The following CACNA2D2 variants were observed in gnomAD, a reference collection of about 807,000 sequenced individuals.
CACNA2D2 encodes the protein voltage-dependent calcium channel subunit alpha-2/delta-2.
Under a neutral mutation model 166.4 loss-of-function variants are expected in CACNA2D2, and 48 were observed. The ratio of observed to expected loss-of-function variants is 0.29; its 90% CI spans 0.23 to 0.37. CACNA2D2 has a LOEUF of 0.37. CACNA2D2 is among the 10% of genes least tolerant of loss of function. The probability of loss-of-function intolerance (pLI) is 1.00; values close to 1 mark genes in which losing one functional copy is unlikely to be tolerated. For missense variants in CACNA2D2, 1,122 were observed against 1,433.0 expected (o/e 0.78, Z 3.50); for synonymous variants, 561 against 573.7 (o/e 0.98, Z 0.32).
At chr3:50,435,262 G>A (rs750270685) in intron 2 of CACNA2D2, among the ~76,000 whole-genome samples, 1 of 151,956 alleles carries the variant, frequency 6.6e-6, no homozygotes, top group African/African-American at 2.4e-5. Flanking sequence ...GCAGATTTCT[G>A]CAAGTGTCTT....
intron 3 of CACNA2D2, among the ~76,000 whole-genome samples, chr3:50,405,597 G>C (rs1165216058): frequency 1.3e-5 from 2 of 152,186 alleles, no homozygotes; most frequent in African/African-American, 4.8e-5. Flanking sequence ...CGGTAGGTCT[G>C]CTCAGTGGGC....
intron 3 of CACNA2D2, among the ~76,000 whole-genome samples, chr3:50,410,490 G>T (rs988719379): frequency 6.6e-6 from 1 of 151,712 alleles, no homozygotes; most frequent in African/African-American, 2.4e-5. Flanking sequence ...TGGGGGGGGG[G>T]GTGTTGTCTT....
At position 50,476,211 on chromosome 3, in the gene CACNA2D2, G is replaced by T; in HGVS notation, c.207-12C>A. On this transcript the variant is annotated splice_polypyrimidine_tract_variant and intron_variant, in intron 1 of 37. Transcript: ENST00000424201. ...CCCAGTGCTGCATCCTGTATGCAGA[G>T]AGAGGAGAGAGGTGTCAGGAGGGCC... 1 of 1,573,532 alleles carries T rather than the reference G, an allele frequency of 6.4e-7. No individual in the cohort carries two copies. The highest frequency in any genetic ancestry group is 8.6e-7 in the Non-Finnish European group (1 of 1,160,502).
At chr3:50,401,247 T>C (rs544616396) in intron 3 of CACNA2D2, among the ~76,000 whole-genome samples, 14 of 152,270 alleles carry the variant, frequency 9.2e-5, no homozygotes, top group African/African-American at 1.7e-4. Context: ...ATAAAAAAAA[T>C]TAGTAAAATG....
chr3:50,491,575 A>G (rs1698523567), intron 1 of CACNA2D2, among the ~76,000 whole-genome samples: 1 of 152,188 alleles, frequency 6.6e-6, no homozygotes, highest in Non-Finnish European at 1.5e-5. Context: ...AGGAGAGTGA[A>G]GGATGGAGAG....
At position 50,375,830 on chromosome 3, in the gene CACNA2D2, C is replaced by T. The variant is rs774217388; in HGVS notation, c.1824G>A (p.Thr608=). The T allele has an allele frequency of 5.6e-6, 9 of 1,612,948 alleles. No individual in the cohort carries two copies. The highest frequency in any genetic ancestry group is 2.2e-5 in the East Asian group (1 of 44,886). Residue 608 remains threonine (T), a synonymous_variant, in exon 20 of 38, where the codon ACG becomes ACA. Transcript: ENST00000424201. This position sits in a 1 kb window ranked among gnomAD's most constrained non-coding sequence, Gnocchi z 4.0. ...DGNKGHKQIR[T]LVKSLDERYI... is the part of the protein sequence containing the mutation. ...TTACCTCATCCAGGGACTTGACCAACGTTCTGATCTGCTTGTGGCCCTTGT... is the reference window on the plus strand; with the variant it reads ...TTACCTCATCCAGGGACTTGACCAATGTTCTGATCTGCTTGTGGCCCTTGT...
At chr3:50,465,236 A>AT (rs1399885944) in intron 2 of CACNA2D2, among the ~76,000 whole-genome samples, 9 of 152,376 alleles carry the variant, frequency 5.9e-5, no homozygotes, top group Non-Finnish European at 1.0e-4. Context: ...AATTACTGGC[A>AT]TAGTAATTGC....
intron 1 of CACNA2D2, among the ~76,000 whole-genome samples, chr3:50,490,498 C>T (rs1201851035): frequency 2.0e-5 from 3 of 152,104 alleles, no homozygotes; most frequent in Non-Finnish European, 4.4e-5. Flanking sequence ...CCTTTACTTC[C>T]CTCCCCAGAG....
At position 50,451,250 on chromosome 3, in the gene CACNA2D2, C is replaced by T. The variant is rs188547821; in HGVS notation, c.289-16821G>A. ...AAGCGATTCCCCTGCCTCAGCCTCC[C>T]GAGTACCTGGGATTACAGGTGTGCG... On this transcript the variant is annotated intron_variant, in intron 2 of 37. Coordinates refer to ENST00000424201, the MANE Select transcript of CACNA2D2 (RefSeq NM_006030.4). Among the ~76,000 whole-genome samples, 296 of 152,276 alleles carry T rather than the reference C, an allele frequency of 1.9e-3. 3 individuals are homozygous for T. Among genetic ancestry groups the T allele is most frequent in the African/African-American group, 6.5e-3 (268 of 41,542 alleles).
At chr3:50,387,903 AG>A (rs1311224818) in intron 4 of CACNA2D2, among the ~76,000 whole-genome samples, 1 of 152,184 alleles carries the variant, frequency 6.6e-6, no homozygotes, top group Non-Finnish European at 1.5e-5. Context: ...GCAGCCTTCT[AG>A]GTTCTGTCTG....
At chr3:50,492,721 T>G (rs192703718) in intron 1 of CACNA2D2, among the ~76,000 whole-genome samples, 46 of 152,096 alleles carry the variant, frequency 3.0e-4, no homozygotes, top group Admixed American at 9.2e-4. Context: ...AAATAAACCC[T>G]CCAAGGACGT....
intron 22 of CACNA2D2, chr3:50,373,010 C>T (rs1342983265): frequency 1.7e-5 from 20 of 1,158,272 alleles, no homozygotes; most frequent in East Asian, 5.0e-5. Context: ...CAAGCAGGGG[C>T]GTGAGGATGG....
chr3:50,499,143 T>C (rs1698850872), intron 1 of CACNA2D2, among the ~76,000 whole-genome samples: 1 of 152,026 alleles, frequency 6.6e-6, no homozygotes, highest in African/African-American at 2.4e-5. Context: ...GAATCTGATG[T>C]GGGTGGGCAC....
At chr3:50,371,753 G>A (rs926520682) in intron 22 of CACNA2D2, among the ~76,000 whole-genome samples, 4 of 152,170 alleles carry the variant, frequency 2.6e-5, no homozygotes, top group Non-Finnish European at 4.4e-5. Flanking sequence ...GATGGGGAAG[G>A]GGTTGGGGGG....
chr3:50,394,695 GTTC>G (rs1706059846), intron 3 of CACNA2D2, among the ~76,000 whole-genome samples: 1 of 152,236 alleles, frequency 6.6e-6, no homozygotes, highest in South Asian at 2.1e-4. Flanking sequence ...AGCCTGTCCT[GTTC>G]TTTGGGGCTG....
In CACNA2D2 at chr3:50,367,918, AGGGGT is replaced by A; in HGVS notation, c.2144-21_2144-17del. On this transcript the variant is annotated splice_polypyrimidine_tract_variant and intron_variant, in intron 24 of 37. Coordinates refer to ENST00000424201, the MANE Select transcript of CACNA2D2 (RefSeq NM_006030.4). The surrounding 1 kb of genome is among the most constrained non-coding windows in gnomAD (Gnocchi z 6.5). ...AAGTTGTTGCCTGGAACAGGAGGGG[AGGGGT>A]GGGGGTGGGGGCATCTTCTTGCAGC... 2 of 143,998 alleles carry A rather than the reference AGGGGT, an allele frequency of 1.4e-5. No homozygotes were observed. The highest frequency in any genetic ancestry group is 2.9e-5 in the Non-Finnish European group (2 of 68,090). The allele number at this position is 143,998 out of a possible 1,614,324, so 8.9% of individuals were successfully genotyped here.
rs192455066 is a variant in CACNA2D2 at position 50,460,573 on chromosome 3, G to A, written c.288+15545C>T. ...CAAGATATTATTCTTAAAAAGGTCCGGCTGGGCGTGGTGGCTCACGCCTCT... is the reference window on the plus strand; with the variant it reads ...CAAGATATTATTCTTAAAAAGGTCCAGCTGGGCGTGGTGGCTCACGCCTCT... On this transcript the variant is annotated intron_variant, in intron 2 of 37. Transcript: ENST00000424201. Among the ~76,000 whole-genome samples the A allele has an allele frequency of 1.7e-3, 260 of 152,210 alleles. 1 individual carries two copies. Among genetic ancestry groups the A allele is most frequent in the Admixed American group, 7.5e-3 (115 of 15,298 alleles).
Position 50,362,893 on chromosome 3 carries a change from CAA to C in CACNA2D2, c.*1771_*1772del, listed in dbSNP as rs1477813641. On this transcript the variant is annotated 3_prime_UTR_variant, in exon 38 of 38. Coordinates refer to ENST00000424201, the MANE Select transcript of CACNA2D2 (RefSeq NM_006030.4). ...AAGGAATCACACACACGATATTTTA[CAA>C]AGTTTCTTGACTTTTTTGTCGCTGT... The C allele has an allele frequency of 2.1e-5, 8 of 387,156 alleles. No homozygotes were observed. Among genetic ancestry groups the C allele is most frequent in the East Asian group, 1.5e-4 (4 of 27,206 alleles). The allele number at this position is 387,156 out of a possible 1,614,324, so 24.0% of individuals were successfully genotyped here. A position where few individuals can be genotyped will look rare whatever the true frequency, so the allele number is the denominator to read the frequency against.
chr3:50,398,165 T>C (rs1422575785), intron 3 of CACNA2D2, among the ~76,000 whole-genome samples: 1 of 152,016 alleles, frequency 6.6e-6, no homozygotes, highest in Non-Finnish European at 1.5e-5. Context: ...GTCTCTGGAG[T>C]GCCTGCCTGT....
Sources: allele counts gnomAD v4.1 joint callset (sites outside exome capture counted in the v4.1 genomes callset), GRCh38; gene constraint gnomAD v4.1.1; non-coding constraint Gnocchi (gnomAD v3.1); transcripts MANE v1.5; gene names NCBI Gene and HGNC (gene_info 2026-07-23, HGNC 2026-07-21).